The following C10orf67 variants were observed in gnomAD, a reference collection of about 807,000 sequenced individuals.
C10orf67 encodes the protein uncharacterized protein C10orf67, mitochondrial.
Under a neutral mutation model 35.6 loss-of-function variants are expected in C10orf67, and 60 were observed. That is an observed-to-expected ratio of 1.68 (90% CI 1.37 to 2.09). The LOEUF is 2.09. Among genes scored for constraint, C10orf67 ranks in the 30% most tolerant of loss-of-function variants. The pLI is 0.00. For missense variants in C10orf67, 474 were observed against 330.2 expected, an observed-to-expected ratio of 1.44 and a Z score of -3.38; for synonymous variants, 167 against 115.8, an observed-to-expected ratio of 1.44 and a Z score of -2.84.
intron 15 of C10orf67, among the ~76,000 whole-genome samples, chr10:23,216,891 A>G (rs963484252): frequency 1.3e-5 from 2 of 152,182 alleles, no homozygotes; most frequent in East Asian, 3.8e-4. Flanking sequence ...AGGAGGAATG[A>G]TATCAACTCA....
intron 10 of C10orf67, among the ~76,000 whole-genome samples, chr10:23,261,014 A>C (rs2132182702): frequency 6.6e-6 from 1 of 152,204 alleles, no homozygotes; most frequent in East Asian, 1.9e-4. Flanking sequence ...CCAGAATCAC[A>C]CTCGAGGTTG....
intron 13 of C10orf67, among the ~76,000 whole-genome samples, chr10:23,231,123 T>A (rs1178249660): frequency 6.6e-6 from 1 of 152,062 alleles, no homozygotes; most frequent in Non-Finnish European, 1.5e-5. Flanking sequence ...GATTTTTTTT[T>A]CTATTTTTTG....
chr10:23,245,936 G>C (rs574404699), intron 12 of C10orf67, among the ~76,000 whole-genome samples: 27 of 152,208 alleles, frequency 1.8e-4, no homozygotes, highest in Admixed American at 1.4e-3. Flanking sequence ...CAATAGCAAA[G>C]ACATGAAATC....
intron 8 of C10orf67, among the ~76,000 whole-genome samples, chr10:23,277,039 C>G (rs1392415384): frequency 1.3e-5 from 2 of 152,006 alleles, no homozygotes; most frequent in East Asian, 3.9e-4. Flanking sequence ...AACATGTGGT[C>G]CAAGGACCCC....
At chr10:23,269,433 C>G (rs954954161) in intron 8 of C10orf67, among the ~76,000 whole-genome samples, 1 of 151,924 alleles carries the variant, frequency 6.6e-6, no homozygotes, top group Admixed American at 6.6e-5. Context: ...CAATGGAATT[C>G]TAAAATATTA....
chr10:23,254,505 T>A (rs900179779), intron 10 of C10orf67, among the ~76,000 whole-genome samples: 2 of 152,184 alleles, frequency 1.3e-5, no homozygotes, highest in African/African-American at 2.4e-5. Flanking sequence ...CCACCACTAC[T>A]GGCTGTGATT....
rs75759255 is a variant in C10orf67 at position 23,272,593 on chromosome 10, T to C, written c.976-5339A>G. On this transcript the variant is annotated intron_variant, in intron 8 of 15. Transcript: ENST00000636213. ...GACCACTTTACCTTGACTACTATAGTTTTACAGCAAGTTTGAATCAGGCAT... is the reference window on the plus strand; with the variant it reads ...GACCACTTTACCTTGACTACTATAGCTTTACAGCAAGTTTGAATCAGGCAT... 3.2e-3 allele frequency among the ~76,000 whole-genome samples: 490 copies of C among 152,352 alleles called. 14 individuals carry two copies. In the East Asian group the frequency reaches 0.05, roughly 15 times the overall value.
At chr10:23,318,570 G>A (rs1212375354) in intron 4 of C10orf67, 2 of 263,480 alleles carry the variant, frequency 7.6e-6, no homozygotes, top group African/African-American at 2.2e-5. Context: ...ATTCAAGGGA[G>A]GGGAATCAGA....
chr10:23,244,452 AG>A (rs1471863544), intron 12 of C10orf67, among the ~76,000 whole-genome samples: 1 of 152,202 alleles, frequency 6.6e-6, no homozygotes, highest in Non-Finnish European at 1.5e-5. Context: ...ACAAGATAAA[AG>A]CAAAAGTCAA....
At chr10:23,314,812 C>CTTT (rs1844637575) in intron 4 of C10orf67, among the ~76,000 whole-genome samples, 1 of 152,160 alleles carries the variant, frequency 6.6e-6, no homozygotes, top group African/African-American at 2.4e-5. Flanking sequence ...CAGAGAGACT[C>CTTT]TAGCAAGACA....
At chr10:23,242,535 A>G (rs1438554888) in intron 12 of C10orf67, among the ~76,000 whole-genome samples, 1 of 152,204 alleles carries the variant, frequency 6.6e-6, no homozygotes, top group Non-Finnish European at 1.5e-5. Flanking sequence ...GTGAGTAAAT[A>G]TAAATGAATA....
chr10:23,342,832 G>T (rs1319167995), intron 1 of C10orf67, among the ~76,000 whole-genome samples: 1 of 152,216 alleles, frequency 6.6e-6, no homozygotes, highest in African/African-American at 2.4e-5. Context: ...CCCACTGCTG[G>T]GCTAGGACAC....
chr10:23,220,201 G>A (rs1389504551), intron 15 of C10orf67, among the ~76,000 whole-genome samples: 1 of 152,042 alleles, frequency 6.6e-6, no homozygotes, highest in Non-Finnish European at 1.5e-5. Context: ...GAGATTAGCT[G>A]TTTTAATTTA....
At chr10:23,310,873 T>C (rs1163901930) in intron 4 of C10orf67, among the ~76,000 whole-genome samples, 1 of 152,192 alleles carries the variant, frequency 6.6e-6, no homozygotes, top group Non-Finnish European at 1.5e-5. Flanking sequence ...AGATCTCTCT[T>C]ATATTTCCTG....
At chr10:23,322,711 G>C (rs1164221530) in intron 2 of C10orf67, among the ~76,000 whole-genome samples, 174 bp from the exon 3 acceptor site, 1 of 152,070 alleles carries the variant, frequency 6.6e-6, no homozygotes, top group East Asian at 1.9e-4. Flanking sequence ...GAGAGGATCA[G>C]GGAAAATACC....
chr10:23,229,684 A>G (rs1272038854), intron 13 of C10orf67, among the ~76,000 whole-genome samples: 1 of 152,194 alleles, frequency 6.6e-6, no homozygotes, highest in Admixed American at 6.5e-5. Context: ...GACTAAAATT[A>G]CATGTGGCAA....
chr10:23,237,950 C>A (rs1244716976), intron 13 of C10orf67, among the ~76,000 whole-genome samples: 4 of 152,208 alleles, frequency 2.6e-5, no homozygotes, highest in African/African-American at 4.8e-5. Context: ...ATTATCATAG[C>A]AAACTTTTTC....
chr10:23,258,477 G>C (rs531656697), intron 10 of C10orf67: 1 of 165,048 alleles, frequency 6.1e-6, no homozygotes, highest in South Asian at 1.8e-4. Flanking sequence ...TGGCAATTTG[G>C]TGTTCCTGCC....
At chr10:23,251,161 C>T (rs926648120) in intron 10 of C10orf67, among the ~76,000 whole-genome samples, 2 of 152,236 alleles carry the variant, frequency 1.3e-5, no homozygotes, top group African/African-American at 2.4e-5. Context: ...TACATAGGAA[C>T]GGTTTAAGAT....
Sources: allele counts gnomAD v4.1 joint callset (sites outside exome capture counted in the v4.1 genomes callset), GRCh38; gene constraint gnomAD v4.1.1; transcripts MANE v1.5; gene names NCBI Gene and HGNC (gene_info 2026-07-23, HGNC 2026-07-21).